The following GPBP1 variants were observed in gnomAD, a reference collection of about 807,000 sequenced individuals.
GPBP1 encodes vasculin.
A neutral mutation model predicts 56.5 loss-of-function variants in GPBP1; 13 were observed. The ratio of observed to expected loss-of-function variants is 0.23; its 90% CI spans 0.15 to 0.37. The LOEUF is 0.37. Among genes scored for constraint, GPBP1 ranks in the 10% least tolerant of loss-of-function variants. The probability of loss-of-function intolerance (pLI) is 1.00; values close to 1 mark genes in which losing one functional copy is unlikely to be tolerated. For synonymous variants in GPBP1, 204 were observed against 188.9 expected (o/e 1.08, Z -0.66); for missense variants, 477 against 572.3 (o/e 0.83, Z 1.70).
chr5:57,216,592 A>T (rs1755707507), intron 3 of GPBP1, among the ~76,000 whole-genome samples: 1 of 152,038 alleles, frequency 6.6e-6, no homozygotes, highest in African/African-American at 2.4e-5. Flanking sequence ...GTGCGGTGGC[A>T]TGAGAATCAC....
At chr5:57,179,680 C>A (rs1008811578) in intron 2 of GPBP1, among the ~76,000 whole-genome samples, 1 of 152,070 alleles carries the variant, frequency 6.6e-6, no homozygotes, top group Non-Finnish European at 1.5e-5. Context: ...TCACTGCAAC[C>A]TCTGCCTCCC....
At chr5:57,245,855 T>C (rs1012977244) in intron 6 of GPBP1, 3 of 152,624 alleles carry the variant, frequency 2.0e-5, no homozygotes, top group African/African-American at 7.2e-5. Flanking sequence ...TTCTTGCTTA[T>C]TGGTAATAAC....
chr5:57,180,272 G>A (rs1325381181), intron 2 of GPBP1, among the ~76,000 whole-genome samples: 1 of 151,998 alleles, frequency 6.6e-6, no homozygotes, highest in Non-Finnish European at 1.5e-5. Context: ...CCGCTGCCAT[G>A]CCCAGCTAAT....
At chr5:57,190,650 T>A (rs1439607044) in intron 2 of GPBP1, among the ~76,000 whole-genome samples, 3 of 150,734 alleles carry the variant, frequency 2.0e-5, no homozygotes, top group Admixed American at 2.0e-4. Flanking sequence ...TTATATGAGC[T>A]TTTTGTCTGC....
At chr5:57,237,322 G>T (rs1393884406) in intron 6 of GPBP1, 1 of 655,754 alleles carries the variant, frequency 1.5e-6, no homozygotes, top group Non-Finnish European at 2.7e-6. Context: ...GAATGCCAGT[G>T]AGCGTTTGTC....
chr5:57,178,678 T>C (rs1195458540), intron 2 of GPBP1, among the ~76,000 whole-genome samples: 1 of 152,254 alleles, frequency 6.6e-6, no homozygotes, highest in African/African-American at 2.4e-5. Flanking sequence ...TTGTCAACTT[T>C]GCGTACAGCA....
chr5:57,260,532 A>G (rs1002815544), intron 10 of GPBP1, among the ~76,000 whole-genome samples: 4 of 152,194 alleles, frequency 2.6e-5, no homozygotes, highest in African/African-American at 7.2e-5. Context: ...TGCCTTAAAC[A>G]AGATTCTGTT....
At chr5:57,246,676 G>T in intron 7 of GPBP1, among the ~76,000 whole-genome samples, 192 bp downstream of exon 7, 1 of 151,786 alleles carries the variant, frequency 6.6e-6, no homozygotes, top group African/African-American at 2.4e-5. Flanking sequence ...TGGTTTTATT[G>T]TTTTAGCAGT....
chr5:57,253,716 T>G (rs1741496010), intron 10 of GPBP1, among the ~76,000 whole-genome samples: 1 of 152,332 alleles, frequency 6.6e-6, no homozygotes, highest in East Asian at 1.9e-4. Flanking sequence ...ATTTCTAATT[T>G]TTTCAAATGT....
intron 6 of GPBP1, chr5:57,237,408 A>C (rs1265404417): frequency 2.1e-6 from 1 of 482,842 alleles, no homozygotes; most frequent in East Asian, 3.2e-5. Flanking sequence ...TTTAGAGACA[A>C]AGACATATTT....
rs568087195 is a variant in GPBP1 at position 57,235,573 on chromosome 5, A to G, written c.412-393A>G. 1.8e-4 allele frequency among the ~76,000 whole-genome samples: 27 copies of G among 152,320 alleles called. No individual in the cohort carries two copies. The South Asian group carries it at 5.2e-3, about 29-fold the overall frequency. On this transcript the variant is annotated intron_variant, in intron 5 of 11. Transcript: ENST00000506184. ...ACACTCTTGTTTTCTCTGACCAGCAATTAGTATAGATAGTAACTAGTTTAA... is the reference window on the plus strand; with the variant it reads ...ACACTCTTGTTTTCTCTGACCAGCAGTTAGTATAGATAGTAACTAGTTTAA...
At chr5:57,186,455 A>C (rs1202746766) in intron 2 of GPBP1, among the ~76,000 whole-genome samples, 2 of 151,988 alleles carry the variant, frequency 1.3e-5, no homozygotes, top group Non-Finnish European at 2.9e-5. Flanking sequence ...ATCATTGCCT[A>C]ACCCAAGGTC....
In GPBP1 at chr5:57,257,562, T is replaced by C. The variant is rs1333455918; in HGVS notation, c.1161-3618T>C. On this transcript the variant is annotated intron_variant, in intron 10 of 11. Coordinates refer to ENST00000506184, the MANE Select transcript of GPBP1 (RefSeq NM_022913.4). ...TCAGAGGGTTTGGGGATAGAGATCA[T>C]TATGACTTGGGTACCAGTCAGAGGT... 2.0e-5 allele frequency among the ~76,000 whole-genome samples: 3 copies of C among 152,172 alleles called. No individual in the cohort carries two copies. The East Asian group carries it at 5.8e-4, about 29-fold the overall frequency.
At chr5:57,219,624 T>C (rs1755864951) in intron 3 of GPBP1, among the ~76,000 whole-genome samples, 1 of 152,094 alleles carries the variant, frequency 6.6e-6, no homozygotes, top group Non-Finnish European at 1.5e-5. Flanking sequence ...GTCTTTTAAG[T>C]CAGCATTTTC....
At chr5:57,200,853 T>C (rs1163527810) in intron 2 of GPBP1, among the ~76,000 whole-genome samples, 1 of 152,144 alleles carries the variant, frequency 6.6e-6, no homozygotes, top group Non-Finnish European at 1.5e-5. Flanking sequence ...GGCTAGTTTA[T>C]ATTTTTAGTA....
Position 57,251,148 on chromosome 5 carries a change from ATTTG to A in GPBP1, c.1160+13_1160+16del, listed in dbSNP as rs760291405. ...CACTTGAGGCAGAACACAGGCTAGT[ATTTG>A]TTTGTACTTTTTGCTCAGCATTTTC... On this transcript the variant is annotated splice_region_variant and intron_variant, in intron 10 of 11. Transcript: ENST00000506184. 30 of 1,579,910 alleles carry A rather than the reference ATTTG, an allele frequency of 1.9e-5. No individual in the cohort carries two copies. In the African/African-American group the frequency reaches 3.4e-4, roughly 18 times the overall value.
chr5:57,182,605 T>TGA, intron 2 of GPBP1, among the ~76,000 whole-genome samples: 1 of 151,402 alleles, frequency 6.6e-6, no homozygotes, highest in African/African-American at 2.4e-5. Flanking sequence ...ACTCCTGACC[T>TGA]CGTGATCCAC....
At chr5:57,260,635 T>A (rs1289073460) in intron 10 of GPBP1, among the ~76,000 whole-genome samples, 1 of 152,202 alleles carries the variant, frequency 6.6e-6, no homozygotes, top group East Asian at 1.9e-4. Context: ...ACACATTTTT[T>A]ATGAACTTTT....
intron 2 of GPBP1, among the ~76,000 whole-genome samples, chr5:57,182,035 C>T (rs547956453): frequency 7.2e-5 from 11 of 152,208 alleles, no homozygotes; most frequent in African/African-American, 2.6e-4. Context: ...TTATTTTGTT[C>T]ACAGCTTGGT....
Sources: gnomAD v4.1 joint callset for allele counts (sites outside exome capture counted in the v4.1 genomes callset) on GRCh38, gnomAD v4.1.1 for gene constraint, MANE v1.5 for transcripts, NCBI Gene and HGNC (gene_info 2026-07-23, HGNC 2026-07-21) for gene names.